Variants in TTC7A observed in about 807,000 individuals in gnomAD.
TTC7A encodes the protein tetratricopeptide repeat protein 7A.
Under a neutral mutation model 103.7 loss-of-function variants are expected in TTC7A, and 110 were observed. That is an observed-to-expected ratio of 1.06 (90% CI 0.91 to 1.24). TTC7A has a LOEUF of 1.24. Among genes scored for constraint, TTC7A ranks in the 50% most tolerant of loss-of-function variants. The pLI is 0.00. For synonymous variants in TTC7A, 521 were observed against 467.9 expected, an observed-to-expected ratio of 1.11 and a Z score of -1.47; for missense variants, 1,340 against 1,116.3, an observed-to-expected ratio of 1.20 and a Z score of -2.86.
chr2:47,061,063 G>A, intron 19 of TTC7A, 92 bp downstream of exon 19: 2 of 1,294,174 alleles, frequency 1.5e-6, no homozygotes, highest in Non-Finnish European at 2.1e-6. Context: ...ATACTCCACT[G>A]CCTGCCTGTG....
At chr2:47,050,217 G>A in intron 17 of TTC7A, 171 bp downstream of exon 17, 1 of 614,764 alleles carries the variant, frequency 1.6e-6, no homozygotes, top group Non-Finnish European at 2.9e-6. Context: ...CTGGGTAGGG[G>A]CTGGCTGCTG....
chr2:46,954,315 C>G (rs1251576937), intron 2 of TTC7A, among the ~76,000 whole-genome samples: 1 of 152,098 alleles, frequency 6.6e-6, no homozygotes, highest in Admixed American at 6.5e-5. Context: ...GTAAAGCGAC[C>G]TCCCCCGTGG....
chr2:46,950,301 A>G, intron 1 of TTC7A, 62 bp from the exon 2 acceptor site: 1 of 1,581,652 alleles, frequency 6.3e-7, no homozygotes, highest in South Asian at 1.1e-5. Context: ...AGGAGTGTGC[A>G]ACTCCCTCCA....
intron 19 of TTC7A, among the ~76,000 whole-genome samples, chr2:47,070,039 G>T (rs543581504): frequency 7.3e-6 from 1 of 136,954 alleles, no homozygotes; most frequent in Non-Finnish European, 1.6e-5. Context: ...CTGGCCTAGC[G>T]CCAAGGCTGC....
intron 8 of TTC7A, among the ~76,000 whole-genome samples, chr2:47,000,581 C>T (rs1676703411): frequency 6.6e-6 from 1 of 152,180 alleles, no homozygotes; most frequent in African/African-American, 2.4e-5. Flanking sequence ...TTTCTTGGCT[C>T]TGTGGACTGG....
chr2:47,005,802 T>C lies in TTC7A; in HGVS notation c.1066-120T>C, dbSNP rs957614056. On this transcript the variant is annotated intron_variant, in intron 8 of 19. Transcript: ENST00000319190. ...ATTTCTGGGAGTGTGGCCATCTTTC[T>C]GGCTTGGGGCAGTGGCAAAAAGGTG... The C allele has an allele frequency of 5.5e-6, 6 of 1,098,356 alleles. No individual in the cohort carries two copies. In the South Asian group the frequency reaches 7.1e-5, roughly 13 times the overall value. 68.0% of individuals were successfully genotyped at this position (1,098,356 alleles called of 1,614,324 possible).
chr2:46,918,086 C>G (rs1186566874), intron 2 of TTC7A, among the ~76,000 whole-genome samples: 1 of 152,174 alleles, frequency 6.6e-6, no homozygotes, highest in Admixed American at 6.5e-5. Flanking sequence ...ATTCCTGGCT[C>G]CTGTAAATAA....
intron 2 of TTC7A, chr2:46,956,560 T>C (rs774762190): frequency 2.5e-6 from 1 of 405,448 alleles, no homozygotes; most frequent in Non-Finnish European, 4.5e-6. Context: ...CAGGGCCTAG[T>C]CTGCAAGGTC....
At chr2:46,957,110 G>A (rs774650380) in intron 3 of TTC7A, 103 bp downstream of exon 3, 181 of 1,454,926 alleles carry the variant, frequency 1.2e-4, no homozygotes, top group Non-Finnish European at 3.1e-5. Flanking sequence ...TTCACCCCTG[G>A]TAGTGCCCAT....
intron 1 of TTC7A, among the ~76,000 whole-genome samples, chr2:46,944,361 T>C (rs1176269972): frequency 5.4e-5 from 8 of 147,908 alleles, no homozygotes; most frequent in African/African-American, 7.5e-5. Context: ...AAATAAGAAC[T>C]CTGGTATTTT....
At chr2:47,006,099 A>G (rs1455613140) in intron 9 of TTC7A, 40 bp downstream of exon 9, 10 of 1,602,520 alleles carry the variant, frequency 6.2e-6, no homozygotes, top group Non-Finnish European at 8.5e-6. Context: ...CTCCGGAGTC[A>G]GGTGGTCTGT....
chr2:46,958,528 G>A (rs1180309421), intron 3 of TTC7A: 14 of 1,304,060 alleles, frequency 1.1e-5, no homozygotes, highest in Middle Eastern at 2.1e-4. Context: ...ACACAGTCCC[G>A]GTGGTCAGAG....
At chr2:46,994,539 C>A in intron 7 of TTC7A, 25 bp downstream of exon 7, 1 of 1,611,200 alleles carries the variant, frequency 6.2e-7, no homozygotes, top group Non-Finnish European at 8.5e-7. Flanking sequence ...CCCTGCTGCA[C>A]CTTGCCAGTC....
chr2:46,964,456 G>A (rs1291440340), intron 3 of TTC7A, among the ~76,000 whole-genome samples: 3 of 152,252 alleles, frequency 2.0e-5, no homozygotes, highest in South Asian at 2.1e-4. Flanking sequence ...TCTCTTCACT[G>A]GGGTTTCTAG....
rs554171448 is a variant in TTC7A, at chr2:46,916,323, C to T, written c.-267C>T. 13 of 310,608 alleles carry T rather than the reference C, an allele frequency of 4.2e-5. No homozygotes were observed. In the South Asian group the frequency reaches 6.3e-4, roughly 15 times the overall value. 19.2% of individuals were successfully genotyped at this position (310,608 alleles called of 1,614,324 possible). ...GGCCTGCTTCCAGCGTCTGCCAGCT[C>T]CACTGCACAAGCTGCGGCAGCCGCT... is the stretch of plus-strand genomic sequence containing the variant. On this transcript the variant is annotated 5_prime_UTR_variant, in exon 1 of 21. Transcript: ENST00000409245.
intron 5 of TTC7A, among the ~76,000 whole-genome samples, chr2:46,986,869 A>G (rs1675067657): frequency 6.6e-6 from 1 of 151,300 alleles, no homozygotes; most frequent in South Asian, 2.1e-4. Flanking sequence ...CGATTGCTGG[A>G]CCCCAGACGC....
intron 16 of TTC7A, among the ~76,000 whole-genome samples, chr2:47,048,715 G>A (rs1211420498): frequency 1.3e-5 from 2 of 152,132 alleles, no homozygotes; most frequent in Non-Finnish European, 1.5e-5. Flanking sequence ...CAATCCTCCT[G>A]CCTCAGCCTC....
intron 8 of TTC7A, among the ~76,000 whole-genome samples, chr2:47,002,969 GC>G (rs1406585966): frequency 6.6e-6 from 1 of 152,264 alleles, no homozygotes; most frequent in African/African-American, 2.4e-5. Flanking sequence ...CCTATCACCA[GC>G]CTGAGGATTT....
Position 47,049,997 on chromosome 2 carries a change from G to A in TTC7A, c.1968G>A (p.Lys656=), listed in dbSNP as rs1012296281. 1 of 1,614,204 alleles carries A rather than the reference G, an allele frequency of 6.2e-7. No homozygotes were observed. The highest frequency in any genetic ancestry group is 8.5e-7 in the Non-Finnish European group (1 of 1,180,042). The change falls in exon 17 of 20, where the codon AAG becomes AAA. Residue 656 remains lysine (K), a synonymous_variant. Coordinates refer to ENST00000319190, the MANE Select transcript of TTC7A (RefSeq NM_020458.4). ...TCGGTGAGGGCCTCACCATGAAGAA[G>A]CAGAGTGGCATGCACCTGACTTTGC... ...GSFGEGLTMK[K]QSGMHLTLPD...
Sources: allele counts gnomAD v4.1 joint callset (sites outside exome capture counted in the v4.1 genomes callset), GRCh38; gene constraint gnomAD v4.1.1; transcripts MANE v1.5; gene names NCBI Gene and HGNC (gene_info 2026-07-23, HGNC 2026-07-21).